Variants in MYLK observed in about 807,000 individuals in gnomAD.
MYLK encodes the protein myosin light chain kinase, smooth muscle.
A neutral mutation model predicts 203.4 loss-of-function variants in MYLK; 106 were observed. The observed-to-expected ratio is 0.52, with a 90% confidence interval of 0.45 to 0.61. The LOEUF is 0.61. MYLK is among the 20% of genes least tolerant of loss of function. The probability of loss-of-function intolerance (pLI) is 0.00; values close to 1 mark genes in which losing one functional copy is unlikely to be tolerated. For missense variants in MYLK, 2,072 were observed against 2,442.3 expected (o/e 0.85, Z 3.20); for synonymous variants, 867 against 959.5 (o/e 0.90, Z 1.78).
intron 20 of MYLK, among the ~76,000 whole-genome samples, chr3:123,676,394 C>T (rs1453174715): frequency 2.6e-5 from 4 of 152,208 alleles, no homozygotes; most frequent in African/African-American, 9.7e-5. Flanking sequence ...CTCTTCCAGC[C>T]TTTTGAATCC....
Position 123,618,819 on chromosome 3 carries a change from G to A in MYLK, c.5369-49C>T, listed in dbSNP as rs370905355. The A allele has an allele frequency of 8.1e-6, 13 of 1,611,746 alleles. No homozygotes were observed. In the African/African-American group the frequency reaches 1.1e-4, roughly 13 times the overall value. ...GGTCATTTCTTCACTCGTTGTTCTC[G>A]CCTCGCCTCTAGCTTAAAGAAACTA... On this transcript the variant is annotated intron_variant, in intron 32 of 33. Coordinates refer to ENST00000360304, the MANE Select transcript of MYLK (RefSeq NM_053025.4).
At chr3:123,822,140 C>T (rs961930616) in intron 3 of MYLK, among the ~76,000 whole-genome samples, 3 of 152,206 alleles carry the variant, frequency 2.0e-5, no homozygotes, top group Non-Finnish European at 4.4e-5. Flanking sequence ...AGCCCTTGAA[C>T]TTGGACTTCC....
intron 11 of MYLK, among the ~76,000 whole-genome samples, chr3:123,728,860 C>T (rs988962064): frequency 6.6e-6 from 1 of 152,176 alleles, no homozygotes; most frequent in Admixed American, 6.5e-5. Context: ...TTTGTTTAAT[C>T]CGACTCAAAG....
chr3:123,828,721 A>G (rs931534944), intron 3 of MYLK, among the ~76,000 whole-genome samples: 4 of 152,214 alleles, frequency 2.6e-5, no homozygotes, highest in Non-Finnish European at 5.9e-5. Flanking sequence ...ACAGGGGATT[A>G]ATATCCAGAA....
chr3:123,732,427 T>C (rs781685959), intron 11 of MYLK, among the ~76,000 whole-genome samples: 5 of 152,224 alleles, frequency 3.3e-5, no homozygotes, highest in Non-Finnish European at 7.3e-5. Context: ...AACATTAAAA[T>C]ATAATTTATT....
chr3:123,726,343 G>T (rs1433046512), intron 11 of MYLK, among the ~76,000 whole-genome samples: 1 of 152,142 alleles, frequency 6.6e-6, no homozygotes, highest in East Asian at 1.9e-4. Flanking sequence ...ACCTGGGCCT[G>T]CCTTCTCTCC....
chr3:123,778,512 CAA>C lies in MYLK; in HGVS notation c.165+15163_165+15164del, dbSNP rs5852365. On this transcript the variant is annotated intron_variant, in intron 4 of 33. Coordinates refer to ENST00000360304, the MANE Select transcript of MYLK (RefSeq NM_053025.4). The stretch of plus-strand genomic sequence containing the variant: ...TGGGCAACAGAGTGAGACTCTGCCT[CAA>C]AAAAAAAAAAAAAAAAAAATCACCA... Among the ~76,000 whole-genome samples the C allele has an allele frequency of 5.6e-3, 548 of 98,118 alleles. 4 individuals are homozygous for C. Among genetic ancestry groups the C allele is most frequent in the South Asian group, 0.024 (63 of 2,580 alleles). The allele number at this position is 98,118 out of a possible 152,430, so 64.4% of individuals were successfully genotyped here.
intron 4 of MYLK, among the ~76,000 whole-genome samples, chr3:123,757,665 C>A (rs1302033496): frequency 6.6e-6 from 1 of 152,204 alleles, no homozygotes; most frequent in Non-Finnish European, 1.5e-5. Context: ...CTGGGAACAA[C>A]AGACCCGAGG....
intron 3 of MYLK, among the ~76,000 whole-genome samples, chr3:123,810,506 T>C (rs2065521549): frequency 6.6e-6 from 1 of 152,224 alleles, no homozygotes; most frequent in Admixed American, 6.5e-5. Context: ...TCTGCTTCAT[T>C]TCTGGCGCTC....
At position 123,733,796 on chromosome 3, in the gene MYLK, G is replaced by A; in HGVS notation, c.1200C>T (p.Asn400=). ...TCTGGCCCTCCATGGGGATTCTCCTGTTAGCAGCCTTGCTCACAACATCTT... is the reference window on the plus strand; with the variant it reads ...TCTGGCCCTCCATGGGGATTCTCCTATTAGCAGCCTTGCTCACAACATCTT... ...GSQDVVSKAA[N]RRIPMEGQRD... The change falls in exon 10 of 34, where the codon AAC becomes AAT. Residue 400 remains asparagine (N), a synonymous_variant. Coordinates refer to ENST00000360304, the MANE Select transcript of MYLK (RefSeq NM_053025.4). 6.2e-7 allele frequency: 1 copy of A among 1,614,238 alleles called. No homozygotes were observed.
intron 13 of MYLK, among the ~76,000 whole-genome samples, chr3:123,710,860 T>C (rs1327166698): frequency 6.6e-6 from 1 of 152,194 alleles, no homozygotes; most frequent in Non-Finnish European, 1.5e-5. Flanking sequence ...AATTGTGATA[T>C]ATCCACACAA....
intron 24 of MYLK, among the ~76,000 whole-genome samples, chr3:123,654,192 G>A (rs1354951493): frequency 6.6e-6 from 1 of 152,146 alleles, no homozygotes; most frequent in Non-Finnish European, 1.5e-5. Context: ...ATATTGACAT[G>A]GCTCAACGGG....
At chr3:123,618,287 C>T (rs1412661396) in intron 33 of MYLK, 1 of 316,116 alleles carries the variant, frequency 3.2e-6, no homozygotes. Flanking sequence ...CTCATATGGG[C>T]AAGTCACATG....
At chr3:123,650,273 A>G (rs2059164579) in intron 24 of MYLK, among the ~76,000 whole-genome samples, 2 of 152,192 alleles carry the variant, frequency 1.3e-5, no homozygotes, top group Admixed American at 1.3e-4. Context: ...ACGCTTCGTC[A>G]TGTGCTGTGT....
chr3:123,802,874 A>AC (rs1467161891), intron 3 of MYLK, among the ~76,000 whole-genome samples: 1 of 152,098 alleles, frequency 6.6e-6, no homozygotes, highest in African/African-American at 2.4e-5. Flanking sequence ...CTTAGGTTTC[A>AC]CCCCCTCAGG....
In MYLK at chr3:123,613,093, T is replaced by C. The variant is rs2057290334; in HGVS notation, c.*1012A>G. On this transcript the variant is annotated 3_prime_UTR_variant, in exon 34 of 34. Transcript: ENST00000360304. ...AAGGTAGGTCAAGTTCTTTGGAGAG[T>C]GTTGAGAATGAAGATGTATTAAACT... The C allele has an allele frequency of 6.6e-6, 1 of 152,088 alleles. No individual in the cohort carries two copies. Among genetic ancestry groups the C allele is most frequent in the African/African-American group, 2.4e-5 (1 of 41,368 alleles). The allele number at this position is 152,088 out of a possible 1,614,324, so 9.4% of individuals were successfully genotyped here. A position where few individuals can be genotyped will look rare whatever the true frequency, so the allele number is the denominator to read the frequency against.
chr3:123,832,462 T>C (rs2700353), intron 2 of MYLK, among the ~76,000 whole-genome samples: 25,085 of 152,208 alleles, frequency 0.16, 2,232 homozygotes, highest in South Asian at 0.22. Context: ...TTGAAAAGGA[T>C]AGTTTGAAAA....
chr3:123,658,719 G>A (rs1017957289), intron 23 of MYLK, among the ~76,000 whole-genome samples: 13 of 152,274 alleles, frequency 8.5e-5, no homozygotes, highest in Middle Eastern at 3.4e-3. Context: ...GTACTTGACC[G>A]CTACTCTCCC....
intron 9 of MYLK, chr3:123,734,443 G>T: frequency 2.0e-6 from 1 of 488,820 alleles, no homozygotes; most frequent in Non-Finnish European, 3.6e-6. Flanking sequence ...CCACAACCCT[G>T]CCCAGAGCCC....
Sources: gnomAD v4.1 joint callset for allele counts (sites outside exome capture counted in the v4.1 genomes callset) on GRCh38, gnomAD v4.1.1 for gene constraint, MANE v1.5 for transcripts, NCBI Gene and HGNC (gene_info 2026-07-23, HGNC 2026-07-21) for gene names.